The following GPHN variants were observed in gnomAD, a reference collection of about 807,000 sequenced individuals.
GPHN encodes gephyrin.
Under a neutral mutation model 95.5 loss-of-function variants are expected in GPHN, and 17 were observed. The observed-to-expected ratio is 0.18, with a 90% confidence interval of 0.12 to 0.27. The LOEUF is 0.27. GPHN is among the 10% of genes least tolerant of loss of function. The pLI is 1.00. For missense variants in GPHN, 660 were observed against 978.1 expected, an observed-to-expected ratio of 0.67 and a Z score of 4.34; for synonymous variants, 320 against 322.5, an observed-to-expected ratio of 0.99 and a Z score of 0.08.
intron 2 of GPHN, among the ~76,000 whole-genome samples, chr14:66,683,975 C>G (rs1459690069): frequency 9.3e-6 from 1 of 107,212 alleles, no homozygotes. Context: ...GACTCCGTCT[C>G]AAAAAAAAAA....
the GPHN span, among the ~76,000 whole-genome samples, chr14:67,304,445 A>G: frequency 5.3e-5 from 8 of 152,340 alleles, no homozygotes; most frequent in Middle Eastern, 3.4e-3. Flanking sequence ...GTATGATGGG[A>G]TATTATTTGA....
At chr14:66,581,963 T>G (rs1035803245) in intron 1 of GPHN, among the ~76,000 whole-genome samples, 2 of 151,984 alleles carry the variant, frequency 1.3e-5, no homozygotes, top group African/African-American at 4.8e-5. Context: ...TATGCCTCTT[T>G]AAATAATGAA....
At chr14:67,199,760 C>T in the GPHN span, 3 of 1,546,410 alleles carry the variant, frequency 1.9e-6, no homozygotes, top group East Asian at 6.7e-5. Context: ...TGGGCTTCCT[C>T]CACCAGGCAT....
the GPHN span, chr14:67,224,078 C>A: frequency 1.2e-6 from 1 of 830,660 alleles, no homozygotes; most frequent in Non-Finnish European, 1.5e-6. Flanking sequence ...GGACCATGAT[C>A]TCAAATTCAT....
intron 9 of GPHN, among the ~76,000 whole-genome samples, chr14:66,997,431 T>C (rs939184080): frequency 2.6e-5 from 4 of 151,956 alleles, no homozygotes; most frequent in Admixed American, 2.6e-4. Flanking sequence ...ATTCTTTTTT[T>C]ACAACATAAT....
the GPHN span, chr14:67,586,261 T>A: frequency 9.1e-7 from 1 of 1,092,990 alleles, no homozygotes; most frequent in South Asian, 1.3e-5. Flanking sequence ...TGGTGTTGCA[T>A]CTCCGTATCA....
At chr14:67,464,457 C>T in the GPHN span, among the ~76,000 whole-genome samples, 1 of 152,084 alleles carries the variant, frequency 6.6e-6, no homozygotes, top group Non-Finnish European at 1.5e-5. Context: ...CAGAGCCCTA[C>T]AGGCTCTGAC....
At chr14:67,697,396 C>T in the GPHN span, among the ~76,000 whole-genome samples, 8 of 152,126 alleles carry the variant, frequency 5.3e-5, no homozygotes, top group African/African-American at 1.9e-4. Flanking sequence ...AAGACCCCAC[C>T]TGAGGGTTCA....
intron 1 of GPHN, among the ~76,000 whole-genome samples, chr14:66,611,278 T>C (rs768849526): frequency 3.3e-5 from 5 of 152,154 alleles, no homozygotes; most frequent in African/African-American, 7.2e-5. Context: ...GTTAATTCCA[T>C]TGAATACATA....
chr14:67,722,681 G>A, the GPHN span: 63 of 1,613,940 alleles, frequency 3.9e-5, 3 homozygotes, highest in Admixed American at 8.7e-4. Context: ...CCTTCTTCTC[G>A]TTCCTGTATA....
At chr14:66,928,841 T>G (rs1443226233) in intron 8 of GPHN, among the ~76,000 whole-genome samples, 1 of 152,172 alleles carries the variant, frequency 6.6e-6, no homozygotes, top group African/African-American at 2.4e-5. Flanking sequence ...GTTTTTTTTA[T>G]TGATTTCTAG....
chr14:67,486,151 A>G, the GPHN span, among the ~76,000 whole-genome samples: 1 of 152,222 alleles, frequency 6.6e-6, no homozygotes, highest in South Asian at 2.1e-4. Context: ...TCCTCACCCA[A>G]ATCTCATCTT....
intron 10 of GPHN, 36 bp from the exon 11 acceptor site, chr14:67,058,613 A>C: frequency 6.3e-7 from 1 of 1,586,082 alleles, no homozygotes; most frequent in Non-Finnish European, 8.7e-7. Flanking sequence ...TCAGTGTTAC[A>C]GCATCATATT....
At chr14:66,590,845 C>A (rs375864420) in intron 1 of GPHN, among the ~76,000 whole-genome samples, 2 of 151,998 alleles carry the variant, frequency 1.3e-5, no homozygotes, top group Admixed American at 6.6e-5. Flanking sequence ...GGCAGAGACA[C>A]AACAAAAAAA....
rs2075828905 is a variant in GPHN, at chr14:67,061,688, T to C, written c.1144+2902T>C. On this transcript the variant is annotated intron_variant, in intron 11 of 22. Transcript: ENST00000478722. ...CTAAGGCTTTATTTATATATCCTTT[T>C]TTTTTAAGAGACTAGGTCTCACTAT... Among the ~76,000 whole-genome samples the C allele has an allele frequency of 2.6e-5, 4 of 152,278 alleles. No homozygotes were observed. In the South Asian group the frequency reaches 6.2e-4, roughly 24 times the overall value.
At chr14:67,516,651 G>T in the GPHN span, among the ~76,000 whole-genome samples, 1 of 152,174 alleles carries the variant, frequency 6.6e-6, no homozygotes, top group African/African-American at 2.4e-5. Flanking sequence ...GGGGCCGTAG[G>T]TCTTCCATCA....
At chr14:67,291,283 C>T in the GPHN span, among the ~76,000 whole-genome samples, 1 of 151,090 alleles carries the variant, frequency 6.6e-6, no homozygotes, top group African/African-American at 2.4e-5. Flanking sequence ...GGCTAGAATG[C>T]AATGGTGTGA....
At chr14:67,308,396 T>C in the GPHN span, among the ~76,000 whole-genome samples, 1 of 151,840 alleles carries the variant, frequency 6.6e-6, no homozygotes, top group East Asian at 1.9e-4. Flanking sequence ...GTACTAACCT[T>C]TCCATTAAGC....
At chr14:67,165,016 A>C (rs143065046) in intron 19 of GPHN, 146 bp from the exon 20 acceptor site, 1 of 646,368 alleles carries the variant, frequency 1.5e-6, no homozygotes, top group African/African-American at 1.8e-5. Context: ...TCTGTGGAAT[A>C]CTTCAGAGTA....
Sources: gnomAD v4.1 joint callset for allele counts (sites outside exome capture counted in the v4.1 genomes callset) on GRCh38, gnomAD v4.1.1 for gene constraint, MANE v1.5 for transcripts, NCBI Gene and HGNC (gene_info 2026-07-23, HGNC 2026-07-21) for gene names.